SPECC1: variants seen among roughly 807,000 people sequenced by gnomAD.
The protein encoded by SPECC1 is sperm antigen with calponin homology and coiled-coil domains 1.
Under a neutral mutation model 104.1 loss-of-function variants are expected in SPECC1, and 62 were observed. The ratio of observed to expected loss-of-function variants is 0.60; its 90% CI spans 0.49 to 0.74. The LOEUF (loss-of-function observed/expected upper bound fraction) is 0.74, where lower values mean the gene tolerates loss of function less well. Among genes scored for constraint, SPECC1 ranks in the 30% least tolerant of loss-of-function variants. SPECC1 has a pLI of 0.00. For synonymous variants in SPECC1, 513 were observed against 501.6 expected (o/e 1.02, Z -0.30); for missense variants, 1,306 against 1,310.5 (o/e 1.00, Z 0.05).
chr17:20,119,215 A>G (rs2048906223), intron 3 of SPECC1, among the ~76,000 whole-genome samples: 1 of 152,178 alleles, frequency 6.6e-6, no homozygotes, highest in Admixed American at 6.5e-5. Flanking sequence ...TGAAAATTAC[A>G]TTTTGTTTCT....
intron 6 of SPECC1, 64 bp downstream of exon 6, chr17:20,231,895 T>G (rs2038604375): frequency 6.7e-7 from 1 of 1,499,224 alleles, no homozygotes; most frequent in East Asian, 2.3e-5. Flanking sequence ...GAGGTGTGGA[T>G]CACTCTCTCT....
intron 3 of SPECC1, among the ~76,000 whole-genome samples, chr17:20,163,500 C>G (rs1453340789): frequency 6.6e-6 from 1 of 151,542 alleles, no homozygotes; most frequent in Non-Finnish European, 1.5e-5. Flanking sequence ...AATAATTATT[C>G]TAATAAACTT....
chr17:20,208,843 T>C (rs2036952417), intron 4 of SPECC1, among the ~76,000 whole-genome samples: 1 of 152,202 alleles, frequency 6.6e-6, no homozygotes, highest in South Asian at 2.1e-4. Flanking sequence ...GTTTTGTCAC[T>C]TAGGCTGGAG....
At chr17:20,273,449 A>G (rs1439403267) in intron 12 of SPECC1, among the ~76,000 whole-genome samples, 2 of 141,392 alleles carry the variant, frequency 1.4e-5, no homozygotes, top group Admixed American at 7.1e-5. Flanking sequence ...CCTGGGTGAC[A>G]CAGCGAGACT....
intron 12 of SPECC1, among the ~76,000 whole-genome samples, chr17:20,290,729 C>T (rs184485808): frequency 2.0e-3 from 298 of 152,258 alleles, no homozygotes; most frequent in African/African-American, 6.9e-3. Flanking sequence ...GTTGCCCAGG[C>T]TGGTCTCGAA....
chr17:20,198,708 T>A (rs1378816245), intron 3 of SPECC1, among the ~76,000 whole-genome samples: 1 of 152,204 alleles, frequency 6.6e-6, no homozygotes, highest in Non-Finnish European at 1.5e-5. Context: ...AACCCTTGCC[T>A]TTTATTAAGA....
chr17:20,106,676 A>G (rs777402279), intron 2 of SPECC1, among the ~76,000 whole-genome samples: 1 of 152,116 alleles, frequency 6.6e-6, no homozygotes, highest in Non-Finnish European at 1.5e-5. Flanking sequence ...GTATAGTGAG[A>G]TGTGACTTTG....
At chr17:20,169,700 GC>G (rs1395297047) in intron 3 of SPECC1, among the ~76,000 whole-genome samples, 3 of 152,068 alleles carry the variant, frequency 2.0e-5, no homozygotes, top group Non-Finnish European at 4.4e-5. Flanking sequence ...ACAGGGGCTT[GC>G]TCTGTTGTTC....
chr17:20,264,533 A>G (rs1474026286), intron 12 of SPECC1, among the ~76,000 whole-genome samples: 1 of 129,402 alleles, frequency 7.7e-6, no homozygotes, highest in Non-Finnish European at 1.5e-5. Context: ...GTGCAGTGGC[A>G]CAATCTCAGG....
At chr17:20,312,294 G>T (rs1399744084) in intron 14 of SPECC1, among the ~76,000 whole-genome samples, 4 of 152,182 alleles carry the variant, frequency 2.6e-5, no homozygotes, top group African/African-American at 7.2e-5. Context: ...TGCACTATAA[G>T]ATTGTTACTA....
At chr17:20,247,132 C>G in intron 8 of SPECC1, 87 bp from the exon 9 acceptor site, 1 of 1,062,968 alleles carries the variant, frequency 9.4e-7, no homozygotes. Flanking sequence ...CTTAAGCCAC[C>G]AAAAAAAGTA....
chr17:20,087,518 T>G (rs2047222733), intron 1 of SPECC1, among the ~76,000 whole-genome samples: 1 of 152,216 alleles, frequency 6.6e-6, no homozygotes, highest in South Asian at 2.1e-4. Flanking sequence ...GCTTGCCCGT[T>G]AATTCAGCAC....
intron 12 of SPECC1, among the ~76,000 whole-genome samples, chr17:20,286,856 A>G (rs1364127156): frequency 6.6e-6 from 1 of 152,154 alleles, no homozygotes; most frequent in Non-Finnish European, 1.5e-5. Context: ...AGACTGGTGA[A>G]TGATGGCATG....
chr17:20,033,057 T>C (rs1051956282), intron 1 of SPECC1, among the ~76,000 whole-genome samples: 2 of 151,642 alleles, frequency 1.3e-5, no homozygotes, highest in African/African-American at 4.8e-5. Flanking sequence ...CTCTGCCTCC[T>C]GGGTTCAAGT....
chr17:20,227,767 T>C lies in SPECC1; in HGVS notation c.2071+147T>C, dbSNP rs2038316403. The C allele has an allele frequency of 7.3e-6, 5 of 680,380 alleles. No individual in the cohort carries two copies. In the South Asian group the frequency reaches 1.1e-4, roughly 15 times the overall value. 42.1% of individuals were successfully genotyped at this position (680,380 alleles called of 1,614,324 possible). A position where few individuals can be genotyped will look rare whatever the true frequency, so the allele number is the denominator to read the frequency against. ...CCTGTCTCTACTAAAAATACAAAAT[T>C]AGCCGGGCGTGGTGGTGGGCGCCTG... is the stretch of plus-strand genomic sequence containing the variant. On this transcript the variant is annotated intron_variant, in intron 5 of 14. Transcript: ENST00000395527.
At chr17:20,304,571 G>A (rs6587064) in intron 13 of SPECC1, among the ~76,000 whole-genome samples, 115,671 of 151,890 alleles carry the variant, frequency 0.76, 45,265 homozygotes, top group East Asian at 0.98. Flanking sequence ...TTCAGCCTCA[G>A]ATTCCCTGTC....
intron 3 of SPECC1, among the ~76,000 whole-genome samples, chr17:20,131,838 C>T (rs1489705948): frequency 4.6e-5 from 7 of 151,866 alleles, no homozygotes; most frequent in East Asian, 1.9e-4. Flanking sequence ...TTAGTAGAGA[C>T]GGGGTTTCAC....
chr17:20,260,326 C>T (rs760054422), intron 12 of SPECC1, 32 bp downstream of exon 12: 3 of 1,598,376 alleles, frequency 1.9e-6, no homozygotes, highest in East Asian at 2.2e-5. Flanking sequence ...CTTCCAGCTG[C>T]CCCTGGGCAG....
At chr17:20,294,752 T>G (rs897766814) in intron 12 of SPECC1, among the ~76,000 whole-genome samples, 5 of 152,094 alleles carry the variant, frequency 3.3e-5, no homozygotes, top group Non-Finnish European at 7.4e-5. Context: ...CAAATAAGTC[T>G]GGGAAATGCT....
Sources: allele counts gnomAD v4.1 joint callset (sites outside exome capture counted in the v4.1 genomes callset), GRCh38; gene constraint gnomAD v4.1.1; transcripts MANE v1.5; gene names NCBI Gene and HGNC (gene_info 2026-07-23, HGNC 2026-07-21).